Variants in ELP2 observed in about 807,000 individuals in gnomAD.
ELP2 encodes the protein elongator complex protein 2.
In ELP2, 90 loss-of-function variants were observed where a neutral mutation model predicts 119.2. The observed-to-expected ratio is 0.75, with a 90% confidence interval of 0.64 to 0.90. The LOEUF (loss-of-function observed/expected upper bound fraction) is 0.90. Ranked by LOEUF, ELP2 falls within the 40% of genes least tolerant of loss-of-function variation. ELP2 has a pLI of 0.00. For missense variants in ELP2, 921 were observed against 967.8 expected, an observed-to-expected ratio of 0.95 and a Z score of 0.64; for synonymous variants, 339 against 331.0, an observed-to-expected ratio of 1.02 and a Z score of -0.26.
intron 11 of ELP2, among the ~76,000 whole-genome samples, chr18:36,149,402 A>C (rs2090313961): frequency 6.6e-6 from 1 of 151,966 alleles, no homozygotes; most frequent in Non-Finnish European, 1.5e-5. Flanking sequence ...GGGTGAAGGT[A>C]CAACCGTACA....
At chr18:36,143,817 C>T (rs553873124) in intron 8 of ELP2, among the ~76,000 whole-genome samples, 88 of 152,236 alleles carry the variant, frequency 5.8e-4, no homozygotes, top group Non-Finnish European at 9.6e-4. Flanking sequence ...TTTAGTGCTT[C>T]TCATTAAAGT....
intron 3 of ELP2, 155 bp downstream of exon 3, chr18:36,136,532 C>T: frequency 1.5e-6 from 1 of 680,064 alleles, no homozygotes; most frequent in Non-Finnish European, 2.7e-6. Context: ...TGCCTGACAC[C>T]ATGCCTGGCT....
intron 11 of ELP2, among the ~76,000 whole-genome samples, chr18:36,150,140 A>G (rs770347197): frequency 6.6e-6 from 1 of 152,180 alleles, no homozygotes; most frequent in African/African-American, 2.4e-5. Flanking sequence ...AGCCATGTTC[A>G]GGGCCTTCCC....
intron 16 of ELP2, 149 bp downstream of exon 16, chr18:36,160,164 G>C (rs2090691576): frequency 2.8e-6 from 2 of 710,000 alleles, no homozygotes; most frequent in Non-Finnish European, 5.0e-6. Flanking sequence ...TCTTCATAAG[G>C]AATGAGAATT....
At chr18:36,138,204 T>G (rs2089899535) in intron 3 of ELP2, 66 bp from the exon 4 acceptor site, 1 of 1,546,944 alleles carries the variant, frequency 6.5e-7, no homozygotes. Flanking sequence ...GGCACATTTA[T>G]CCAATTAAAT....
chr18:36,153,477 T>G (rs1266061867), intron 11 of ELP2, among the ~76,000 whole-genome samples: 1 of 152,160 alleles, frequency 6.6e-6, no homozygotes, highest in Non-Finnish European at 1.5e-5. Context: ...AGCAAATGTG[T>G]GGGGGTTTCT....
At chr18:36,167,330 A>G in intron 19 of ELP2, 108 bp downstream of exon 19, 2 of 831,012 alleles carry the variant, frequency 2.4e-6, no homozygotes, top group Non-Finnish European at 3.6e-6. Flanking sequence ...GCTTTTAAAA[A>G]TCAGCTATGT....
intron 1 of ELP2, among the ~76,000 whole-genome samples, chr18:36,131,930 C>CTTTT (rs5823996): frequency 9.5e-4 from 76 of 79,880 alleles, no homozygotes; most frequent in African/African-American, 9.8e-4. Flanking sequence ...GCTGGTCGGG[C>CTTTT]TTTTTTTTTT....
intron 11 of ELP2, among the ~76,000 whole-genome samples, chr18:36,148,616 T>C (rs1469157862): frequency 6.6e-6 from 1 of 152,100 alleles, no homozygotes. Context: ...CCCAGCACTT[T>C]GGGAGGCCAA....
Position 36,148,767 on chromosome 18 carries a change from T to C in ELP2, c.1125+2386T>C, listed in dbSNP as rs1004946103. ...TGCAGGCGCCTGTGGTCGCAGCTACTTGGGAAGCTGACGCAGGAGGATTGT... is the reference window on the plus strand; with the variant it reads ...TGCAGGCGCCTGTGGTCGCAGCTACCTGGGAAGCTGACGCAGGAGGATTGT... On this transcript the variant is annotated intron_variant, in intron 11 of 21. Transcript: ENST00000358232. 5.3e-5 allele frequency among the ~76,000 whole-genome samples: 8 copies of C among 152,088 alleles called. No individual in the cohort carries two copies. The East Asian group carries it at 1.4e-3, about 26-fold the overall frequency.
rs541859606 is a variant in ELP2 at position 36,160,655 on chromosome 18, C to T, written c.1689-277C>T. Among the ~76,000 whole-genome samples the T allele has an allele frequency of 6.0e-5, 9 of 150,414 alleles. No homozygotes were observed. In the East Asian group the frequency reaches 1.6e-3, roughly 26 times the overall value. ...TTGATGGTTCCTGATGAAGACTTTT[C>T]CATGTTTTATTGTTTAGATACTGGC... On this transcript the variant is annotated intron_variant, in intron 16 of 21. Transcript: ENST00000358232.
At chr18:36,145,214 A>C in intron 9 of ELP2, 180 bp downstream of exon 9, 1 of 602,974 alleles carries the variant, frequency 1.7e-6, no homozygotes, top group Non-Finnish European at 3.0e-6. Flanking sequence ...TCCATTGAAC[A>C]TTGAACTCCT....
intron 17 of ELP2, among the ~76,000 whole-genome samples, chr18:36,162,752 T>G (rs1471580659): frequency 6.6e-6 from 1 of 152,220 alleles, no homozygotes; most frequent in African/African-American, 2.4e-5. Context: ...TTAACCGTTC[T>G]AGTAAGTGTG....
At chr18:36,167,655 A>G (rs2144795977) in intron 19 of ELP2, among the ~76,000 whole-genome samples, 1 of 151,806 alleles carries the variant, frequency 6.6e-6, no homozygotes, top group Middle Eastern at 3.5e-3. Flanking sequence ...AGTATGACTG[A>G]CCCAAGCTTT....
Position 36,142,168 on chromosome 18 carries a change from G to A in ELP2, c.589-113G>A, listed in dbSNP as rs550764783. On this transcript the variant is annotated intron_variant, in intron 6 of 21. Transcript: ENST00000358232. ...ATGCTTTTTCTTGTCTAATCAAATA[G>A]TGTTCTCAGTAAAAGAGCAACGCAG... 2.5e-5 allele frequency: 21 copies of A among 842,866 alleles called. No individual in the cohort carries two copies. The African/African-American group carries it at 3.3e-4, about 13-fold the overall frequency. The allele number at this position is 842,866 out of a possible 1,614,324, so 52.2% of individuals were successfully genotyped here.
chr18:36,157,852 G>T (rs879096029), intron 13 of ELP2, among the ~76,000 whole-genome samples: 1 of 152,170 alleles, frequency 6.6e-6, no homozygotes, highest in African/African-American at 2.4e-5. Flanking sequence ...AGAGCTAAGC[G>T]TATGGAGGTG....
intron 5 of ELP2, chr18:36,139,401 G>A: frequency 6.5e-7 from 1 of 1,534,318 alleles, no homozygotes; most frequent in Non-Finnish European, 8.7e-7. Context: ...GAGTGAGTCA[G>A]CCTCTTTGCC....
At chr18:36,153,321 A>G (rs1477039154) in intron 11 of ELP2, among the ~76,000 whole-genome samples, 1 of 152,210 alleles carries the variant, frequency 6.6e-6, no homozygotes, top group African/African-American at 2.4e-5. Context: ...GCACATGATC[A>G]AAGATTCCTC....
At chr18:36,153,350 C>CT (rs2090462908) in intron 11 of ELP2, among the ~76,000 whole-genome samples, 1 of 152,128 alleles carries the variant, frequency 6.6e-6, no homozygotes, top group African/African-American at 2.4e-5. Flanking sequence ...CCCTTTTATC[C>CT]TTTTTCTTCC....
Sources: gnomAD v4.1 joint callset for allele counts (sites outside exome capture counted in the v4.1 genomes callset) on GRCh38, gnomAD v4.1.1 for gene constraint, MANE v1.5 for transcripts, NCBI Gene and HGNC (gene_info 2026-07-23, HGNC 2026-07-21) for gene names.